The following PKHD1L1 variants were observed in gnomAD, a reference collection of about 807,000 sequenced individuals.
PKHD1L1 encodes PKHD1 like 1.
Under a neutral mutation model 462.9 loss-of-function variants are expected in PKHD1L1, and 434 were observed. The ratio of observed to expected loss-of-function variants is 0.94; its 90% CI spans 0.87 to 1.02. PKHD1L1 has a LOEUF of 1.02. Among genes scored for constraint, PKHD1L1 ranks in the 50% least tolerant of loss-of-function variants. The pLI is 0.00. For synonymous variants in PKHD1L1, 1,781 were observed against 1,750.0 expected (o/e 1.02, Z -0.44); for missense variants, 5,202 against 5,096.1 (o/e 1.02, Z -0.63).
intron 8 of PKHD1L1, 79 bp from the exon 9 acceptor site, chr8:109,390,373 A>C (rs1476266137): frequency 5.3e-6 from 4 of 748,796 alleles, no homozygotes; most frequent in Non-Finnish European, 7.8e-6. Context: ...CTCTGCTTTT[A>C]AATCAGCTTT....
chr8:109,402,754 A>G (rs975862988), intron 14 of PKHD1L1, among the ~76,000 whole-genome samples: 3 of 152,124 alleles, frequency 2.0e-5, no homozygotes, highest in African/African-American at 7.2e-5. Context: ...ATATTGAAGA[A>G]GTTATGCTCA....
In PKHD1L1 at chr8:109,522,891, G is replaced by A. The variant is rs202038373; in HGVS notation, c.12330+1G>A. ...TTCGGTAAAGGCAACAGATTCTGAC[G>A]TAAGTCATAACTCAAAATTTTACTT... is the stretch of plus-strand genomic sequence containing the variant. On this transcript the variant is annotated splice_donor_variant, in intron 75 of 77. Coordinates refer to ENST00000378402, the MANE Select transcript of PKHD1L1 (RefSeq NM_177531.6). LOFTEE classifies it high-confidence loss of function. 2.0e-4 allele frequency: 317 copies of A among 1,594,660 alleles called. No individual in the cohort carries two copies. Among genetic ancestry groups the A allele is most frequent in the Admixed American group, 4.3e-4 (24 of 55,364 alleles).
chr8:109,466,834 C>T, intron 50 of PKHD1L1, 65 bp downstream of exon 50: 1 of 1,402,270 alleles, frequency 7.1e-7, no homozygotes, highest in Non-Finnish European at 9.7e-7. Flanking sequence ...TTGTCATCAT[C>T]TTCTTGCATT....
chr8:109,515,311 G>A lies in PKHD1L1; in HGVS notation c.11689+6G>A. On this transcript the variant is annotated splice_donor_region_variant and intron_variant, in intron 72 of 77. Transcript: ENST00000378402. ...TAATAACCATCTGTACAAAGGTATTGTCTCAGAAAAAATACAGTACACATG... is the reference window on the plus strand; with the variant it reads ...TAATAACCATCTGTACAAAGGTATTATCTCAGAAAAAATACAGTACACATG... The A allele has an allele frequency of 4.5e-6, 7 of 1,546,018 alleles. No individual in the cohort carries two copies. The highest frequency in any genetic ancestry group is 6.1e-6 in the Non-Finnish European group (7 of 1,145,420).
chr8:109,398,430 T>A, intron 11 of PKHD1L1, 29 bp from the exon 12 acceptor site: 1 of 1,328,508 alleles, frequency 7.5e-7, no homozygotes, highest in Admixed American at 2.0e-5. Flanking sequence ...GTTTCAGTAG[T>A]AACGGTTTTG....
chr8:109,528,904 T>C (rs549530972), intron 77 of PKHD1L1, among the ~76,000 whole-genome samples: 23 of 152,236 alleles, frequency 1.5e-4, no homozygotes, highest in African/African-American at 5.1e-4. Context: ...GTGGGCAAAT[T>C]GTAAAGAGCT....
chr8:109,495,141 T>G (rs1056637805), intron 63 of PKHD1L1, among the ~76,000 whole-genome samples: 2 of 152,050 alleles, frequency 1.3e-5, no homozygotes, highest in African/African-American at 4.8e-5. Flanking sequence ...CTGGTTTTAT[T>G]CTTGTGCAAA....
intron 2 of PKHD1L1, among the ~76,000 whole-genome samples, chr8:109,374,769 T>C (rs979617982): frequency 6.6e-6 from 1 of 152,148 alleles, no homozygotes; most frequent in Non-Finnish European, 1.5e-5. Flanking sequence ...AAGCTTAGTT[T>C]GGCTGGATAT....
chr8:109,390,395 T>G, intron 8 of PKHD1L1, 57 bp from the exon 9 acceptor site: 1 of 986,388 alleles, frequency 1.0e-6, no homozygotes, highest in Non-Finnish European at 1.4e-6. Context: ...TAATATAGAG[T>G]TATTGTTCTT....
Position 109,535,358 on chromosome 8 carries a change from A to C in PKHD1L1, c.*5268A>C, listed in dbSNP as rs1821124165. ...GCTATAAATTCTTAGGAAGAAAATA[A>C]ATTTATTAAGTTTTTCACATCAAAA... On this transcript the variant is annotated 3_prime_UTR_variant, in exon 78 of 78. Transcript: ENST00000378402. Among the ~76,000 whole-genome samples the C allele has an allele frequency of 6.6e-6, 1 of 152,220 alleles. No homozygotes were observed. Among genetic ancestry groups the C allele is most frequent in the Non-Finnish European group, 1.5e-5 (1 of 68,034 alleles).
chr8:109,422,835 C>T (rs1814543452), intron 23 of PKHD1L1, among the ~76,000 whole-genome samples: 2 of 152,104 alleles, frequency 1.3e-5, no homozygotes, highest in Admixed American at 6.6e-5. Context: ...AGATTCCCAC[C>T]AGCAGTGTAC....
intron 28 of PKHD1L1, among the ~76,000 whole-genome samples, chr8:109,434,189 G>T (rs1450451263): frequency 3.3e-5 from 5 of 152,018 alleles, no homozygotes. Flanking sequence ...GATGATATGT[G>T]TATATCTATG....
intron 50 of PKHD1L1, among the ~76,000 whole-genome samples, chr8:109,473,868 C>T (rs1387771989): frequency 1.3e-5 from 2 of 152,114 alleles, no homozygotes; most frequent in African/African-American, 4.8e-5. Context: ...CTGGAGGAGG[C>T]TCTTCTCTTT....
At chr8:109,376,123 C>T (rs1195747072) in intron 2 of PKHD1L1, among the ~76,000 whole-genome samples, 6 of 152,214 alleles carry the variant, frequency 3.9e-5, no homozygotes, top group Non-Finnish European at 4.4e-5. Flanking sequence ...GGCAGGCAGG[C>T]CTCCTTGAGC....
chr8:109,532,249 T>G lies in PKHD1L1; in HGVS notation c.*2159T>G, dbSNP rs1821057891. On this transcript the variant is annotated 3_prime_UTR_variant, in exon 78 of 78. Coordinates refer to ENST00000378402, the MANE Select transcript of PKHD1L1 (RefSeq NM_177531.6). ...AAATTGCTTCTTAGCCACACAGACT[T>G]TGTTAAAAAGTTCCTGTTTTAACTG... Among the ~76,000 whole-genome samples the G allele has an allele frequency of 6.6e-6, 1 of 152,168 alleles. No individual in the cohort carries two copies. Among genetic ancestry groups the G allele is most frequent in the Non-Finnish European group, 1.5e-5 (1 of 68,034 alleles).
chr8:109,427,965 C>T (rs768276619), intron 25 of PKHD1L1, among the ~76,000 whole-genome samples: 2 of 135,600 alleles, frequency 1.5e-5, no homozygotes, highest in African/African-American at 5.4e-5. Flanking sequence ...TGCAGTGAGC[C>T]GAGATTGTGC....
chr8:109,464,615 C>T lies in PKHD1L1; in HGVS notation c.7783C>T (p.Pro2595Ser). ...WYRMNNHPDGPSYDRNICQKR... is the reference protein window; with the variant it reads ...WYRMNNHPDGSSYDRNICQKR... ...CCGGATGAACAACCACCCTGATGGG[C>T]CATCCTATGACAGAAACATTTGTCA... The change falls in exon 49 of 78, where the codon CCA becomes TCA. Residue 2595 changes from proline (P) to serine (S), a missense_variant. This residue lies in a region of PKHD1L1 where 4,497 missense variants were observed against 4,336.8 expected (regional missense o/e 1.04). Transcript: ENST00000378402. 1 of 1,612,530 alleles carries T rather than the reference C, an allele frequency of 6.2e-7. No homozygotes were observed. The highest frequency in any genetic ancestry group is 2.2e-5 in the East Asian group (1 of 44,874).
At chr8:109,492,698 G>A (rs1818894259) in intron 62 of PKHD1L1, among the ~76,000 whole-genome samples, 2 of 151,448 alleles carry the variant, frequency 1.3e-5, no homozygotes, top group Non-Finnish European at 3.0e-5. Flanking sequence ...AATCTTTAAG[G>A]CTATCTATGG....
At chr8:109,430,246 T>C (rs1466609542) in intron 27 of PKHD1L1, among the ~76,000 whole-genome samples, 1 of 152,198 alleles carries the variant, frequency 6.6e-6, no homozygotes, top group Non-Finnish European at 1.5e-5. Context: ...AATATTTCTT[T>C]TGAAGCTGAA....
Sources: allele counts gnomAD v4.1 joint callset (sites outside exome capture counted in the v4.1 genomes callset), GRCh38; gene constraint gnomAD v4.1.1; regional missense constraint gnomAD v4.1.1; transcripts MANE v1.5; gene names NCBI Gene and HGNC (gene_info 2026-07-23, HGNC 2026-07-21).